CSMD3: variants seen among roughly 807,000 people sequenced by gnomAD.
CSMD3 encodes CUB and Sushi multiple domains 3, also known as CUB and sushi domain-containing protein 3.
Under a neutral mutation model 435.2 loss-of-function variants are expected in CSMD3, and 177 were observed. The observed-to-expected ratio is 0.41, with a 90% confidence interval of 0.36 to 0.46. The LOEUF (loss-of-function observed/expected upper bound fraction) is 0.46, where lower values mean the gene tolerates loss of function less well. CSMD3 is among the 20% of genes least tolerant of loss of function. The pLI is 0.34. For synonymous variants in CSMD3, 1,656 were observed against 1,520.5 expected (o/e 1.09, Z -2.07); for missense variants, 4,265 against 4,504.6 (o/e 0.95, Z 1.52).
chr8:112,923,945 C>T (rs2082827004), intron 9 of CSMD3, among the ~76,000 whole-genome samples: 1 of 152,088 alleles, frequency 6.6e-6, no homozygotes, highest in Non-Finnish European at 1.5e-5. Flanking sequence ...CCATGGCACC[C>T]ACTATTTCCC....
rs375688543 is a variant in CSMD3 at position 113,370,864 on chromosome 8, GTA to G, written c.179-56073_179-56072del. 9.5e-4 allele frequency among the ~76,000 whole-genome samples: 145 copies of G among 152,076 alleles called. 2 individuals are homozygous for G. In the East Asian group the frequency reaches 0.024, roughly 25 times the overall value. On this transcript the variant is annotated intron_variant, in intron 1 of 70. Transcript: ENST00000297405. The stretch of plus-strand genomic sequence containing the variant: ...ATCTGCAGCTCTGAAGAGTTTGGTT[GTA>G]TCATGAAGTTACATGCAATAAAGTC...
At position 112,295,817 on chromosome 8, in the gene CSMD3, T is replaced by C. The variant is rs1563751919; in HGVS notation, c.8614+16A>G. 1.2e-6 allele frequency: 2 copies of C among 1,612,862 alleles called. No individual in the cohort carries two copies. The highest frequency in any genetic ancestry group is 1.7e-6 in the Non-Finnish European group (2 of 1,179,068). ...AAGATCAGAGGTCTCTAATTGCTTTTGCCATGCTTACTTACGCACACAGGA... is the reference window on the plus strand; with the variant it reads ...AAGATCAGAGGTCTCTAATTGCTTTCGCCATGCTTACTTACGCACACAGGA... On this transcript the variant is annotated intron_variant, in intron 54 of 70. Coordinates refer to ENST00000297405, the MANE Select transcript of CSMD3 (RefSeq NM_198123.2).
intron 10 of CSMD3, among the ~76,000 whole-genome samples, chr8:112,872,489 C>G (rs1463083248): frequency 6.6e-6 from 1 of 151,950 alleles, no homozygotes; most frequent in African/African-American, 2.4e-5. Context: ...GATAAAAATG[C>G]AGCAAATGCA....
chr8:112,342,279 G>A (rs1316737684), intron 41 of CSMD3, among the ~76,000 whole-genome samples: 1 of 151,894 alleles, frequency 6.6e-6, no homozygotes, highest in African/African-American at 2.4e-5. Flanking sequence ...GTTATATGTG[G>A]TCATATTGCA....
chr8:112,322,004 G>C (rs1237073694), intron 45 of CSMD3, among the ~76,000 whole-genome samples: 1 of 152,106 alleles, frequency 6.6e-6, no homozygotes, highest in Non-Finnish European at 1.5e-5. Flanking sequence ...AGAGAAAATG[G>C]AGAAGATAGG....
At chr8:112,793,161 TATTA>T (rs1220125953) in intron 13 of CSMD3, among the ~76,000 whole-genome samples, 2 of 147,510 alleles carry the variant, frequency 1.4e-5, no homozygotes, top group Non-Finnish European at 3.0e-5. Context: ...TAAATTAATA[TATTA>T]ATTAAATATA....
At chr8:113,114,587 A>G (rs1174933372) in intron 4 of CSMD3, among the ~76,000 whole-genome samples, 1 of 152,172 alleles carries the variant, frequency 6.6e-6, no homozygotes, top group Non-Finnish European at 1.5e-5. Context: ...TAGATTAGCT[A>G]TTATGCATGG....
At chr8:112,825,811 G>T (rs1162711790) in intron 12 of CSMD3, among the ~76,000 whole-genome samples, 1 of 152,162 alleles carries the variant, frequency 6.6e-6, no homozygotes, top group East Asian at 1.9e-4. Flanking sequence ...TTACCAAGTT[G>T]AGTGGCATAG....
intron 3 of CSMD3, among the ~76,000 whole-genome samples, chr8:113,206,753 T>C (rs966716512): frequency 1.3e-5 from 2 of 152,182 alleles, no homozygotes; most frequent in Non-Finnish European, 2.9e-5. Flanking sequence ...TTTTTAATGA[T>C]TGCCTTATAT....
In CSMD3 at chr8:112,630,107, T is replaced by A. The variant is rs536518276; in HGVS notation, c.3715+6710A>T. Among the ~76,000 whole-genome samples, 26 of 152,242 alleles carry A rather than the reference T, an allele frequency of 1.7e-4. No homozygotes were observed. In the South Asian group the frequency reaches 5.0e-3, roughly 29 times the overall value. On this transcript the variant is annotated intron_variant, in intron 22 of 70. Transcript: ENST00000297405. ...ACCTCAGGTGAGAACTCAGCCCTGG[T>A]TAACACATTAATTGTAGTCTGTGGA...
At chr8:113,001,476 T>C (rs2131071897) in intron 6 of CSMD3, among the ~76,000 whole-genome samples, 1 of 152,226 alleles carries the variant, frequency 6.6e-6, no homozygotes, top group Non-Finnish European at 1.5e-5. Context: ...TCTAATCTTC[T>C]CATGCCAAAC....
chr8:112,271,097 A>G (rs941082436), intron 59 of CSMD3, among the ~76,000 whole-genome samples: 2 of 152,134 alleles, frequency 1.3e-5, no homozygotes, highest in African/African-American at 4.8e-5. Flanking sequence ...ATGATTATGT[A>G]CAAGATTCAA....
intron 4 of CSMD3, among the ~76,000 whole-genome samples, chr8:113,122,566 T>C: frequency 6.6e-6 from 1 of 152,030 alleles, no homozygotes. Context: ...ATCACATGAA[T>C]CCTTAAATTG....
At chr8:113,242,935 A>T (rs981622020) in intron 3 of CSMD3, among the ~76,000 whole-genome samples, 4 of 151,950 alleles carry the variant, frequency 2.6e-5, no homozygotes, top group Non-Finnish European at 2.9e-5. Flanking sequence ...CTATAAATTT[A>T]AAAAAAGTGC....
At chr8:112,816,819 A>G (rs1188641913) in intron 12 of CSMD3, among the ~76,000 whole-genome samples, 1 of 151,592 alleles carries the variant, frequency 6.6e-6, no homozygotes, top group African/African-American at 2.4e-5. Context: ...ATTAAATTCA[A>G]TAAATAAAAA....
chr8:112,391,677 A>G (rs1170479888), intron 35 of CSMD3, among the ~76,000 whole-genome samples: 1 of 142,296 alleles, frequency 7.0e-6, no homozygotes, highest in Non-Finnish European at 1.6e-5. Context: ...AGGAGACAGG[A>G]TAAGACTCCA....
At chr8:112,329,989 T>C (rs924256126) in intron 45 of CSMD3, among the ~76,000 whole-genome samples, 1 of 152,146 alleles carries the variant, frequency 6.6e-6, no homozygotes, top group East Asian at 1.9e-4. Context: ...CCCCGTTCTC[T>C]CTGGACATCA....
At chr8:113,131,502 A>T (rs2091282863) in intron 4 of CSMD3, among the ~76,000 whole-genome samples, 1 of 152,090 alleles carries the variant, frequency 6.6e-6, no homozygotes, top group African/African-American at 2.4e-5. Flanking sequence ...CTGGGCCTGC[A>T]GGTGTATGGA....
intron 7 of CSMD3, among the ~76,000 whole-genome samples, chr8:112,958,800 T>C (rs544024934): frequency 6.6e-6 from 1 of 152,194 alleles, no homozygotes; most frequent in Non-Finnish European, 1.5e-5. Flanking sequence ...TTACAAAAAC[T>C]TTGTAAGTGT....
Sources: gnomAD v4.1 joint callset for allele counts (sites outside exome capture counted in the v4.1 genomes callset) on GRCh38, gnomAD v4.1.1 for gene constraint, MANE v1.5 for transcripts, NCBI Gene and HGNC (gene_info 2026-07-23, HGNC 2026-07-21) for gene names.